Variants in ELOVL7 observed in about 807,000 individuals in gnomAD.
The protein encoded by ELOVL7 is ELOVL fatty acid elongase 7.
Under a neutral mutation model 35.7 loss-of-function variants are expected in ELOVL7, and 27 were observed. The observed-to-expected ratio is 0.76, with a 90% CI of 0.56 to 1.04. The LOEUF is 1.04. Among genes scored for constraint, ELOVL7 ranks in the 50% least tolerant of loss-of-function variants. The pLI, the probability that ELOVL7 is intolerant of heterozygous loss-of-function variation, is 0.00. For missense variants in ELOVL7, 327 were observed against 340.8 expected (o/e 0.96, Z 0.32); for synonymous variants, 113 against 114.6 (o/e 0.99, Z 0.09).
intron 2 of ELOVL7, among the ~76,000 whole-genome samples, chr5:60,789,010 A>G (rs183980230): frequency 2.0e-5 from 3 of 152,294 alleles, no homozygotes; most frequent in Non-Finnish European, 2.9e-5. Context: ...AAAAGGTTCA[A>G]TCCAAGTGTT....
chr5:60,790,240 T>C (rs982691941), intron 2 of ELOVL7, among the ~76,000 whole-genome samples: 12 of 152,168 alleles, frequency 7.9e-5, no homozygotes, highest in Non-Finnish European at 1.8e-4. Context: ...TTACATTTAC[T>C]CATAGTTGTA....
chr5:60,791,959 AG>A (rs774345431), intron 2 of ELOVL7, among the ~76,000 whole-genome samples: 132 of 152,172 alleles, frequency 8.7e-4, no homozygotes, highest in Non-Finnish European at 1.7e-3. Context: ...TCCCCTCCCC[AG>A]TCCTCACCGA....
intron 2 of ELOVL7, among the ~76,000 whole-genome samples, chr5:60,793,910 G>C (rs1246620793): frequency 6.6e-6 from 1 of 152,184 alleles, no homozygotes; most frequent in East Asian, 1.9e-4. Flanking sequence ...GTAATCACAA[G>C]AAAGCAGTGG....
Position 60,774,890 on chromosome 5 carries a change from T to C in ELOVL7, c.65-2797A>G, listed in dbSNP as rs546349641. Among the ~76,000 whole-genome samples, 425 of 151,814 alleles carry C rather than the reference T, an allele frequency of 2.8e-3. 1 individual carries two copies. Among genetic ancestry groups the C allele is most frequent in the Non-Finnish European group, 5.1e-3 (347 of 67,918 alleles). ...AAGTGAATCTCCTGCCTCAGTCTCC[T>C]GAGGAGCTGGGATTACAGGTGCCCG... is the stretch of plus-strand genomic sequence containing the variant. On this transcript the variant is annotated intron_variant, in intron 3 of 8. Coordinates refer to ENST00000508821, the MANE Select transcript of ELOVL7 (RefSeq NM_024930.3).
chr5:60,807,576 GA>G (rs1254923051), intron 1 of ELOVL7, among the ~76,000 whole-genome samples: 3 of 151,488 alleles, frequency 2.0e-5, no homozygotes, highest in African/African-American at 7.3e-5. Context: ...ACTGTGGGGG[GA>G]AAGAAACCAA....
chr5:60,782,476 T>C (rs961318267), intron 3 of ELOVL7, among the ~76,000 whole-genome samples: 1 of 152,232 alleles, frequency 6.6e-6, no homozygotes, highest in Non-Finnish European at 1.5e-5. Flanking sequence ...TTATTCATAA[T>C]AGCCAAGATG....
intron 3 of ELOVL7, among the ~76,000 whole-genome samples, chr5:60,778,900 A>T (rs968079336): frequency 2.0e-5 from 3 of 152,264 alleles, no homozygotes; most frequent in Non-Finnish European, 2.9e-5. Context: ...GTTATTTTCC[A>T]GATACAATGG....
At chr5:60,804,428 G>A (rs1744815188) in intron 1 of ELOVL7, among the ~76,000 whole-genome samples, 1 of 152,144 alleles carries the variant, frequency 6.6e-6, no homozygotes, top group African/African-American at 2.4e-5. Flanking sequence ...GTGCTAGGCA[G>A]TGCGGAATGG....
intron 1 of ELOVL7, among the ~76,000 whole-genome samples, 186 bp downstream of exon 1, chr5:60,843,974 G>A (rs987869919): frequency 6.6e-6 from 1 of 152,036 alleles, no homozygotes; most frequent in Non-Finnish European, 1.5e-5. Context: ...CGAGCCCAGG[G>A]AGGGCCTGGC....
chr5:60,780,215 G>A (rs1034180754), intron 3 of ELOVL7, among the ~76,000 whole-genome samples: 3 of 150,654 alleles, frequency 2.0e-5, no homozygotes, highest in Middle Eastern at 3.2e-3. Context: ...TGCCTCCCGG[G>A]TTCAAGTGAT....
chr5:60,781,310 T>C (rs572311529), intron 3 of ELOVL7, among the ~76,000 whole-genome samples: 2 of 152,324 alleles, frequency 1.3e-5, no homozygotes, highest in South Asian at 4.1e-4. Context: ...TAGTTGACTT[T>C]TGTTTTTTCT....
At chr5:60,762,237 T>C (rs1182072198) in intron 7 of ELOVL7, among the ~76,000 whole-genome samples, 1 of 142,496 alleles carries the variant, frequency 7.0e-6, no homozygotes, top group Non-Finnish European at 1.5e-5. Context: ...AAGCGGAGGT[T>C]GCAGTGAGCC....
chr5:60,764,316 C>T lies in ELOVL7; in HGVS notation c.410G>A (p.Arg137His), dbSNP rs764734594. Reference sequence around the variant, plus strand: ...GAAAGTCACTTGGCTATTTTTCTTGCGCAGAACAAAAAAGATCTGAAATAA... The same window carrying T: ...GAAAGTCACTTGGCTATTTTTCTTGTGCAGAACAAAAAAGATCTGAAATAA... The part of the protein sequence containing the change: ...ELLDTIFFVL[R>H]KKNSQVTFLH... The change falls in exon 7 of 9, where the codon CGC (arginine) becomes CAC (histidine). Residue 137 changes from arginine (R) to histidine (H), a missense_variant. By Grantham distance (29) the Arg-to-His change is conservative (BLOSUM62 0). Transcript: ENST00000508821. 1.7e-5 allele frequency: 28 copies of T among 1,611,222 alleles called. No individual in the cohort carries two copies. Among genetic ancestry groups the T allele is most frequent in the Middle Eastern group, 1.7e-4 (1 of 6,052 alleles).
At chr5:60,773,099 T>C (rs2112185121) in intron 3 of ELOVL7, among the ~76,000 whole-genome samples, 1 of 152,312 alleles carries the variant, frequency 6.6e-6, no homozygotes, top group Middle Eastern at 3.4e-3. Context: ...CCAGCAGAGA[T>C]GGATGAATAA....
intron 1 of ELOVL7, among the ~76,000 whole-genome samples, chr5:60,826,100 T>C (rs1415647265): frequency 6.6e-6 from 1 of 152,184 alleles, no homozygotes; most frequent in African/African-American, 2.4e-5. Context: ...TTACGGTACA[T>C]ATACACCAAA....
intron 1 of ELOVL7, among the ~76,000 whole-genome samples, chr5:60,839,709 A>C (rs1747045341): frequency 6.6e-6 from 1 of 152,218 alleles, no homozygotes; most frequent in South Asian, 2.1e-4. Flanking sequence ...GGTAAATAGC[A>C]ACCTTCCAGG....
intron 1 of ELOVL7, chr5:60,843,601 G>C (rs923411172): frequency 1.3e-5 from 2 of 152,414 alleles, no homozygotes; most frequent in South Asian, 2.1e-4. Flanking sequence ...AGCGCCCAAA[G>C]GGGAAGGAAG....
chr5:60,815,130 C>A (rs1243199336), intron 1 of ELOVL7, among the ~76,000 whole-genome samples: 1 of 152,330 alleles, frequency 6.6e-6, no homozygotes, highest in South Asian at 2.1e-4. Flanking sequence ...TACTATTATA[C>A]AATAATCGGT....
intron 1 of ELOVL7, among the ~76,000 whole-genome samples, chr5:60,806,717 C>T (rs116252611): frequency 0.011 from 1,703 of 152,156 alleles, 16 homozygotes; most frequent in South Asian, 0.042. Flanking sequence ...GAACTGTTTG[C>T]GGTCTCTCTC....
Sources: gnomAD v4.1 joint callset for allele counts (sites outside exome capture counted in the v4.1 genomes callset) on GRCh38, gnomAD v4.1.1 for gene constraint, MANE v1.5 for transcripts, NCBI Gene and HGNC (gene_info 2026-07-23, HGNC 2026-07-21) for gene names.